The following C5orf22 variants were observed in gnomAD, a reference collection of about 807,000 sequenced individuals.
The protein encoded by C5orf22 is UPF0489 protein C5orf22.
A neutral mutation model predicts 48.7 loss-of-function variants in C5orf22; 36 were observed. The ratio of observed to expected loss-of-function variants is 0.74; its 90% CI spans 0.57 to 0.98. The LOEUF (loss-of-function observed/expected upper bound fraction) is 0.98, where lower values mean the gene tolerates loss of function less well. Among genes scored for constraint, C5orf22 ranks in the 50% least tolerant of loss-of-function variants. The pLI is 0.00. For missense variants in C5orf22, 486 were observed against 521.9 expected (o/e 0.93, Z 0.67); for synonymous variants, 141 against 180.8 (o/e 0.78, Z 1.76).
intron 4 of C5orf22, among the ~76,000 whole-genome samples, chr5:31,538,932 G>T (rs1017209368): frequency 1.3e-5 from 2 of 152,142 alleles, no homozygotes; most frequent in African/African-American, 4.8e-5. Flanking sequence ...GCTCTAGATA[G>T]TATTCATTAT....
chr5:31,541,148 G>T, intron 5 of C5orf22, 133 bp from the exon 6 acceptor site: 1 of 893,376 alleles, frequency 1.1e-6, no homozygotes, highest in Non-Finnish European at 1.7e-6. Flanking sequence ...GTGTGTGTGT[G>T]TATTGGCGAA....
chr5:31,548,999 C>T (rs1743074841), intron 7 of C5orf22, among the ~76,000 whole-genome samples: 1 of 152,116 alleles, frequency 6.6e-6, no homozygotes, highest in Non-Finnish European at 1.5e-5. Context: ...GCGAGCAGAT[C>T]ACCTGAGATC....
chr5:31,541,059 T>C, intron 5 of C5orf22, 48 bp downstream of exon 5: 4 of 1,425,822 alleles, frequency 2.8e-6, no homozygotes, highest in South Asian at 2.4e-5. Flanking sequence ...ATCATATAAC[T>C]AATAATATCT....
chr5:31,538,278 T>C lies in C5orf22; in HGVS notation c.396T>C (p.His132=). ...TTTIRVTSTD[H]YFLSDGLYVP... ...GATTCAGGGTTACAAGTACAGATCATTATTTCCTAAGTGATGGTCTGTATG... is the reference window on the plus strand; with the variant it reads ...GATTCAGGGTTACAAGTACAGATCACTATTTCCTAAGTGATGGTCTGTATG... Residue 132 remains histidine (H), a synonymous_variant, in exon 4 of 9, where the codon CAT becomes CAC. Coordinates refer to ENST00000325366, the MANE Select transcript of C5orf22 (RefSeq NM_018356.3). The C allele has an allele frequency of 6.2e-7, 1 of 1,600,266 alleles. No homozygotes were observed. Among genetic ancestry groups the C allele is most frequent in the Non-Finnish European group, 8.5e-7 (1 of 1,172,026 alleles).
At chr5:31,541,490 A>G (rs1278867471) in intron 6 of C5orf22, 88 bp downstream of exon 6, 1 of 1,440,634 alleles carries the variant, frequency 6.9e-7, no homozygotes, top group Non-Finnish European at 9.6e-7. Flanking sequence ...ATTGCTTTTA[A>G]AAAAGTAGTA....
chr5:31,554,189 A>G lies in C5orf22; in HGVS notation c.*1287A>G, dbSNP rs1408536997. On this transcript the variant is annotated 3_prime_UTR_variant, in exon 9 of 9. Transcript: ENST00000325366. ...TAAAAGGTGAAATGACATTTAAAGA[A>G]AAACAAACACCCATCATTCCTCAGT... 1 of 152,256 alleles carries G rather than the reference A, an allele frequency of 6.6e-6. No homozygotes were observed. Among genetic ancestry groups the G allele is most frequent in the African/African-American group, 2.4e-5 (1 of 41,468 alleles). 9.4% of individuals were successfully genotyped at this position (152,256 alleles called of 1,614,324 possible). A position where few individuals can be genotyped will look rare whatever the true frequency, so the allele number is the denominator to read the frequency against.
intron 6 of C5orf22, among the ~76,000 whole-genome samples, chr5:31,542,430 A>C (rs1463288560): frequency 6.9e-6 from 1 of 144,496 alleles, no homozygotes; most frequent in Non-Finnish European, 1.5e-5. Context: ...ACTGCACTCC[A>C]GCCTGTGGAG....
intron 6 of C5orf22, among the ~76,000 whole-genome samples, chr5:31,543,290 G>A (rs568593606): frequency 3.3e-5 from 5 of 152,302 alleles, no homozygotes; most frequent in Middle Eastern, 3.4e-3. Flanking sequence ...GTTAATGGCC[G>A]GGCGTGGTGG....
Position 31,552,830 on chromosome 5 carries a change from C to CCTCAATATG in C5orf22, c.1260_1268dup (p.Asn421_Leu423dup). On this transcript the variant is annotated inframe_insertion, in exon 9 of 9. Coordinates refer to ENST00000325366, the MANE Select transcript of C5orf22 (RefSeq NM_018356.3). ...AAGTTGACACTATTCAAGAAAAGGT[C>CCTCAATATG]CTCAATATGCTACGTGCCCTCTATG... The CCTCAATATG allele has an allele frequency of 5.0e-6, 8 of 1,613,558 alleles. No homozygotes were observed. Among genetic ancestry groups the CCTCAATATG allele is most frequent in the Non-Finnish European group, 6.8e-6 (8 of 1,179,554 alleles).
rs1743430432 is a variant in C5orf22 at position 31,553,658 on chromosome 5, C to G, written c.*756C>G. On this transcript the variant is annotated 3_prime_UTR_variant, in exon 9 of 9. Coordinates refer to ENST00000325366, the MANE Select transcript of C5orf22 (RefSeq NM_018356.3). The stretch of plus-strand genomic sequence containing the variant: ...AAAAAAACCCCACAAATTTGCCAAT[C>G]CATGAAAGTATCATAGGAAGTCTAC... 1 of 152,060 alleles carries G rather than the reference C, an allele frequency of 6.6e-6. No homozygotes were observed. The highest frequency in any genetic ancestry group is 2.1e-4 in the South Asian group (1 of 4,814). The allele number at this position is 152,060 out of a possible 1,614,324, so 9.4% of individuals were successfully genotyped here. A position where few individuals can be genotyped will look rare whatever the true frequency, so the allele number is the denominator to read the frequency against.
chr5:31,545,599 G>A (rs1742833537), intron 6 of C5orf22, 47 bp from the exon 7 acceptor site: 2 of 1,294,670 alleles, frequency 1.5e-6, no homozygotes, highest in African/African-American at 2.9e-5. Context: ...TATCATTTTA[G>A]TTGTGGTGGT....
intron 6 of C5orf22, among the ~76,000 whole-genome samples, chr5:31,542,222 G>A (rs1053071528): frequency 3.3e-5 from 5 of 151,784 alleles, no homozygotes; most frequent in East Asian, 1.9e-4. Context: ...AGGCTGAGGC[G>A]GGCGGATCAT....
rs565430930 is a variant in C5orf22, at chr5:31,538,678, A to G, written c.796A>G (p.Met266Val). 5.0e-6 allele frequency: 8 copies of G among 1,608,958 alleles called. No homozygotes were observed. Among genetic ancestry groups the G allele is most frequent in the South Asian group, 1.1e-5 (1 of 90,698 alleles). Residue 266 changes from methionine (M) to valine (V), a missense_variant, in exon 4 of 9, where the codon ATG becomes GTG. By Grantham distance (21) the Met-to-Val change is conservative (BLOSUM62 1). Transcript: ENST00000325366. ...FFSVKNPFKE[M>V]FTQEEYKILQ... ...TTCAGTCAAGAATCCCTTCAAAGAA[A>G]TGTTCACTCAGGTAAATAATTGTGT... is the stretch of plus-strand genomic sequence containing the variant.
At chr5:31,540,746 C>T in intron 4 of C5orf22, 2 of 505,488 alleles carry the variant, frequency 4.0e-6, no homozygotes, top group Non-Finnish European at 7.0e-6. Flanking sequence ...TACAATAAAA[C>T]AAAATTTTAC....
intron 1 of C5orf22, among the ~76,000 whole-genome samples, chr5:31,533,093 C>CA (rs1305370636): frequency 1.2e-4 from 18 of 152,072 alleles, no homozygotes; most frequent in African/African-American, 3.9e-4. Flanking sequence ...TAGCTGGGAT[C>CA]ACAGGCACGC....
rs1380781812 is a variant in C5orf22 at position 31,538,511 on chromosome 5, G to A, written c.629G>A (p.Arg210Lys). The A allele has an allele frequency of 2.5e-6, 4 of 1,614,172 alleles. No homozygotes were observed. Among genetic ancestry groups the A allele is most frequent in the Non-Finnish European group, 3.4e-6 (4 of 1,180,016 alleles). ...CTGGAAAAGGACACAGCAACACAGA[G>A]AAGTGACCAGACTTGCCTAGAACCA... ...EGLEKDTATQ[R>K]SDQTCLEPSC... Residue 210 changes from arginine (R) to lysine (K), a missense_variant, in exon 4 of 9, where the codon AGA becomes AAA. Physicochemically the swap from Arg to Lys is conservative, Grantham distance 26. This residue lies in a region of C5orf22 where 408 missense variants were observed against 444.0 expected (regional missense o/e 0.92). Coordinates refer to ENST00000325366, the MANE Select transcript of C5orf22 (RefSeq NM_018356.3).
Position 31,534,427 on chromosome 5 carries a change from G to A in C5orf22, c.227+10G>A, listed in dbSNP as rs1741952905. ...AGGAAACACTCTTTGGGTAATATGT[G>A]ATTTTATTTATGGTCTTTTGTGTTT... On this transcript the variant is annotated intron_variant, in intron 2 of 8. Coordinates refer to ENST00000325366, the MANE Select transcript of C5orf22 (RefSeq NM_018356.3). 3.1e-6 allele frequency: 5 copies of A among 1,596,974 alleles called. No homozygotes were observed. Among genetic ancestry groups the A allele is most frequent in the Non-Finnish European group, 4.3e-6 (5 of 1,174,170 alleles).
At chr5:31,552,622 G>A in intron 8 of C5orf22, 151 bp from the exon 9 acceptor site, 1 of 610,756 alleles carries the variant, frequency 1.6e-6, no homozygotes, top group Non-Finnish European at 2.8e-6. Flanking sequence ...CTAACATGGG[G>A]TAAACCTTCA....
intron 6 of C5orf22, among the ~76,000 whole-genome samples, chr5:31,544,515 C>T (rs572569645): frequency 3.3e-5 from 5 of 151,546 alleles, no homozygotes; most frequent in Admixed American, 6.6e-5. Flanking sequence ...ACCTGGAAGG[C>T]GGAGCTTGCA....
Sources: gnomAD v4.1 joint callset for allele counts (sites outside exome capture counted in the v4.1 genomes callset) on GRCh38, gnomAD v4.1.1 for gene constraint, gnomAD v4.1.1 regional missense constraint, MANE v1.5 for transcripts, NCBI Gene and HGNC (gene_info 2026-07-23, HGNC 2026-07-21) for gene names.